Variants in UQCC6 observed in about 807,000 individuals in gnomAD.
UQCC6 encodes protein BRAWNIN.
the UQCC6 span, among the ~76,000 whole-genome samples, chr12:103,958,658 G>A: frequency 6.6e-6 from 1 of 152,150 alleles, no homozygotes; most frequent in Non-Finnish European, 1.5e-5. Context: ...TGCTAGGTGG[G>A]TTTAGACTAC....
chr12:103,963,885 G>A, the UQCC6 span, among the ~76,000 whole-genome samples: 530 of 151,988 alleles, frequency 3.5e-3, 3 homozygotes, highest in Non-Finnish European at 5.8e-3. Flanking sequence ...AATGAACAAA[G>A]ACAAATTGTT....
chr12:103,953,416 G>A, the UQCC6 span: 2 of 702,180 alleles, frequency 2.8e-6, no homozygotes, highest in African/African-American at 3.5e-5. Context: ...AAAAGCACCT[G>A]TAGCAGTTCT....
At chr12:103,962,770 CTGCCTATGGGGCAGCCT>C in the UQCC6 span, among the ~76,000 whole-genome samples, 12 of 152,252 alleles carry the variant, frequency 7.9e-5, no homozygotes, top group Non-Finnish European at 1.8e-4. Context: ...TCTGAGCACA[CTGCCTATGGGGCAGCCT>C]TGCTCTGCAG....
At chr12:103,956,822 A>G in the UQCC6 span, 1 of 944,860 alleles carries the variant, frequency 1.1e-6, no homozygotes, top group Non-Finnish European at 1.6e-6. Context: ...GAGGCGCTCC[A>G]GCCAGCGCTG....
the UQCC6 span, among the ~76,000 whole-genome samples, chr12:103,953,165 G>C: frequency 3.3e-4 from 50 of 152,204 alleles, no homozygotes; most frequent in African/African-American, 1.2e-3. Flanking sequence ...GTCGAAGGCA[G>C]AAGACAGGTC....
the UQCC6 span, chr12:103,965,680 G>C: frequency 3.5e-6 from 1 of 282,272 alleles, no homozygotes; most frequent in South Asian, 1.5e-4. Flanking sequence ...AGCTGACGTC[G>C]GCAGAGCGCT....
At chr12:103,955,705 C>G in the UQCC6 span, 1 of 452,366 alleles carries the variant, frequency 2.2e-6, no homozygotes. Flanking sequence ...GAAAGTGTTA[C>G]CTGTCCAGGC....
At chr12:103,951,715 T>TA in the UQCC6 span, 89 of 740,668 alleles carry the variant, frequency 1.2e-4, no homozygotes, top group East Asian at 2.1e-3. Context: ...CTTTAAAGAG[T>TA]AAAAAATAAC....
chr12:103,952,361 G>A, the UQCC6 span, among the ~76,000 whole-genome samples: 1 of 152,158 alleles, frequency 6.6e-6, no homozygotes, highest in Non-Finnish European at 1.5e-5. Context: ...GCTTGTATCA[G>A]TATTTCATTT....
At chr12:103,957,949 A>C in the UQCC6 span, among the ~76,000 whole-genome samples, 1 of 144,920 alleles carries the variant, frequency 6.9e-6, no homozygotes, top group South Asian at 2.1e-4. Context: ...TTTATATTAT[A>C]TATTTTTAAT....
At chr12:103,958,441 T>C in the UQCC6 span, among the ~76,000 whole-genome samples, 6 of 152,174 alleles carry the variant, frequency 3.9e-5, no homozygotes, top group Non-Finnish European at 8.8e-5. Context: ...TTAGTGCTTC[T>C]TTCTACTCCC....
chr12:103,957,896 T>C, the UQCC6 span, among the ~76,000 whole-genome samples: 2 of 145,528 alleles, frequency 1.4e-5, no homozygotes, highest in Non-Finnish European at 3.0e-5. Flanking sequence ...ACTAAAAATA[T>C]ATATATATAA....
the UQCC6 span, among the ~76,000 whole-genome samples, chr12:103,957,956 T>A: frequency 1.4e-5 from 2 of 145,578 alleles, no homozygotes; most frequent in Non-Finnish European, 3.0e-5. Flanking sequence ...TATATATTTT[T>A]AATATATATT....
chr12:103,952,098 C>T, the UQCC6 span, among the ~76,000 whole-genome samples: 7 of 152,208 alleles, frequency 4.6e-5, no homozygotes, highest in African/African-American at 1.4e-4. Context: ...AAGGTATTCA[C>T]AGAGTTCTGC....
At chr12:103,959,576 G>C in the UQCC6 span, among the ~76,000 whole-genome samples, 1 of 151,698 alleles carries the variant, frequency 6.6e-6, no homozygotes, top group Non-Finnish European at 1.5e-5. Context: ...GCCAGGTGTG[G>C]TGGTGTGCGC....
chr12:103,964,629 A>G, the UQCC6 span, among the ~76,000 whole-genome samples: 1 of 152,206 alleles, frequency 6.6e-6, no homozygotes, highest in African/African-American at 2.4e-5. Flanking sequence ...CAAAGCATTC[A>G]GCAGTCTTTG....
At chr12:103,950,378 A>G in the UQCC6 span, 1 of 152,280 alleles carries the variant, frequency 6.6e-6, no homozygotes, top group African/African-American at 2.4e-5. Context: ...ATCCAAAGAC[A>G]GTGTCCCTAA....
the UQCC6 span, among the ~76,000 whole-genome samples, chr12:103,957,805 G>A: frequency 5.3e-5 from 8 of 151,474 alleles, no homozygotes; most frequent in African/African-American, 1.7e-4. Context: ...CACTTTGGGA[G>A]GCCAAGGCGG....
the UQCC6 span, among the ~76,000 whole-genome samples, chr12:103,958,862 C>A: frequency 6.6e-6 from 1 of 151,790 alleles, no homozygotes; most frequent in African/African-American, 2.4e-5. Context: ...TTTTCTTGTT[C>A]TATACAATCA....
Sources: allele counts gnomAD v4.1 joint callset (sites outside exome capture counted in the v4.1 genomes callset), GRCh38; gene constraint gnomAD v4.1.1; transcripts MANE v1.5; gene names NCBI Gene and HGNC (gene_info 2026-07-23, HGNC 2026-07-21).